The following IL1RAPL2 variants were observed in gnomAD, a reference collection of about 807,000 sequenced individuals.
The protein encoded by IL1RAPL2 is X-linked interleukin-1 receptor accessory protein-like 2.
A neutral mutation model predicts 44.1 loss-of-function variants in IL1RAPL2; 3 were observed. That is an observed-to-expected ratio of 0.07 (90% CI 0.03 to 0.18). The LOEUF is 0.18. IL1RAPL2 is among the 10% of genes least tolerant of loss of function. The pLI is 1.00. For missense variants in IL1RAPL2, 391 were observed against 496.4 expected, an observed-to-expected ratio of 0.79 and a Z score of 2.02; for synonymous variants, 181 against 178.8, an observed-to-expected ratio of 1.01 and a Z score of -0.10.
intron 4 of IL1RAPL2, among the ~76,000 whole-genome samples, chrX:105,255,703 G>A (rs745627557): frequency 3.6e-5 from 4 of 111,884 alleles, no homozygotes; most frequent in Non-Finnish European, 5.6e-5. Flanking sequence ...GAATAGGAGT[G>A]GTGACAGAGA....
At chrX:105,251,295 A>G (rs1180175408) in intron 4 of IL1RAPL2, among the ~76,000 whole-genome samples, 2 of 106,368 alleles carry the variant, frequency 1.9e-5, no homozygotes, top group Non-Finnish European at 3.9e-5. Flanking sequence ...TTGCTTGCTA[A>G]AAAAAAAAAA....
At chrX:105,163,995 G>A (rs945750894) in intron 2 of IL1RAPL2, among the ~76,000 whole-genome samples, 1 of 110,659 alleles carries the variant, frequency 9.0e-6, no homozygotes, top group Admixed American at 9.7e-5. Flanking sequence ...AGCAGCTGAC[G>A]AATTAGACAT....
chrX:104,668,159 G>T (rs1455235567), intron 2 of IL1RAPL2, among the ~76,000 whole-genome samples: 1 of 111,124 alleles, frequency 9.0e-6, no homozygotes, highest in East Asian at 2.8e-4. Context: ...GAAACAAGTA[G>T]CTAGACAGAT....
At chrX:105,661,746 A>G (rs2037722208) in intron 6 of IL1RAPL2, among the ~76,000 whole-genome samples, 1 of 112,398 alleles carries the variant, frequency 8.9e-6, no homozygotes, top group African/African-American at 3.2e-5. Context: ...CTTTCAAAAG[A>G]GAAAGAGCTT....
In IL1RAPL2 at chrX:104,764,844, T is replaced by C. The variant is rs1217000401; in HGVS notation, c.82+105849T>C. On this transcript the variant is annotated intron_variant, in intron 2 of 10. Transcript: ENST00000372582. Reference sequence around the variant, plus strand: ...GTTTTTATCCTTCATTCTGTCGATATGTTGTATCACATTCATTCATTTGCA... The same window carrying C: ...GTTTTTATCCTTCATTCTGTCGATACGTTGTATCACATTCATTCATTTGCA... 2.7e-5 allele frequency among the ~76,000 whole-genome samples: 3 copies of C among 112,464 alleles called. No homozygotes were observed. In the Admixed American group the frequency reaches 2.8e-4, roughly 11 times the overall value.
At chrX:104,962,063 C>T in intron 2 of IL1RAPL2, among the ~76,000 whole-genome samples, 1 of 111,056 alleles carries the variant, frequency 9.0e-6, no homozygotes, top group African/African-American at 3.3e-5. Context: ...AGTTTCAGGC[C>T]TTCACAGGCT....
intron 5 of IL1RAPL2, among the ~76,000 whole-genome samples, chrX:105,465,231 G>C: frequency 8.9e-6 from 1 of 111,826 alleles, no homozygotes. Flanking sequence ...CTCTCATCTA[G>C]AAAGAAGACA....
intron 6 of IL1RAPL2, among the ~76,000 whole-genome samples, chrX:105,633,175 T>A (rs1602496316): frequency 8.9e-6 from 1 of 112,076 alleles, no homozygotes; most frequent in East Asian, 2.8e-4. Flanking sequence ...GGTAAACATT[T>A]CTTTACTGTT....
rs1930920192 is a variant in IL1RAPL2 at position 104,683,215 on chromosome X, A to G, written c.82+24220A>G. On this transcript the variant is annotated intron_variant, in intron 2 of 10. Coordinates refer to ENST00000372582, the MANE Select transcript of IL1RAPL2 (RefSeq NM_017416.2). ...TACCCATAGAACAGAGACCTGATCT[A>G]CTTCAGCCACATGTAAAGAATCCAT... Among the ~76,000 whole-genome samples, 4 of 111,958 alleles carry G rather than the reference A, an allele frequency of 3.6e-5. No homozygotes were observed. In the Admixed American group the frequency reaches 3.8e-4, roughly 11 times the overall value.
At chrX:104,632,966 T>C (rs1347639770) in intron 1 of IL1RAPL2, among the ~76,000 whole-genome samples, 1 of 111,685 alleles carries the variant, frequency 9.0e-6, no homozygotes, top group Non-Finnish European at 1.9e-5. Flanking sequence ...GGTATGATAT[T>C]GGCTGTGGGT....
chrX:105,570,982 A>G (rs992059272), intron 6 of IL1RAPL2, among the ~76,000 whole-genome samples: 1 of 111,775 alleles, frequency 8.9e-6, no homozygotes, highest in Non-Finnish European at 1.9e-5. Context: ...ACCACTTTAG[A>G]ACCAAAAATT....
chrX:104,724,084 C>G (rs1931739400), intron 2 of IL1RAPL2, among the ~76,000 whole-genome samples: 1 of 110,872 alleles, frequency 9.0e-6, no homozygotes, highest in African/African-American at 3.3e-5. Context: ...AGTCAAAATC[C>G]TAAGAATTGA....
intron 2 of IL1RAPL2, among the ~76,000 whole-genome samples, chrX:104,673,670 T>A (rs1350003671): frequency 2.5e-4 from 28 of 111,094 alleles, no homozygotes; most frequent in Non-Finnish European, 1.7e-4. Flanking sequence ...TGGTATTGAA[T>A]CTGTAAATTA....
intron 2 of IL1RAPL2, among the ~76,000 whole-genome samples, chrX:105,182,702 G>T (rs2033545111): frequency 9.0e-6 from 1 of 111,617 alleles, no homozygotes; most frequent in Admixed American, 9.5e-5. Context: ...ATGTGTCTTG[G>T]TCTTTTGTTT....
chrX:104,902,799 T>G, intron 2 of IL1RAPL2, among the ~76,000 whole-genome samples: 1 of 111,818 alleles, frequency 8.9e-6, no homozygotes, highest in African/African-American at 3.2e-5. Context: ...ATTTTAAATC[T>G]GCAATGCTTT....
At chrX:105,716,095 A>G (rs1432293090) in intron 6 of IL1RAPL2, among the ~76,000 whole-genome samples, 1 of 111,881 alleles carries the variant, frequency 8.9e-6, no homozygotes, top group African/African-American at 3.2e-5. Context: ...AAATACAGCA[A>G]TGAAATTATA....
At chrX:105,070,118 T>A (rs377131402) in intron 2 of IL1RAPL2, among the ~76,000 whole-genome samples, 2 of 112,096 alleles carry the variant, frequency 1.8e-5, no homozygotes, top group East Asian at 2.8e-4. Flanking sequence ...CTCCTTATTA[T>A]CTGGGCAAAA....
intron 2 of IL1RAPL2, among the ~76,000 whole-genome samples, chrX:105,145,946 AGCCCTCATGAATGAGGCAAGT>A (rs1421702361): frequency 1.8e-5 from 2 of 110,932 alleles, no homozygotes; most frequent in African/African-American, 6.6e-5. Context: ...AAAAGGGTGG[AGCCCTCATGAATGAGGCAAGT>A]GCCCTCATAA....
intron 5 of IL1RAPL2, among the ~76,000 whole-genome samples, chrX:105,391,443 A>G (rs2035521458): frequency 9.8e-6 from 1 of 102,351 alleles, no homozygotes; most frequent in African/African-American, 3.6e-5. Context: ...AACCACAATG[A>G]GATACCATCT....
Sources: gnomAD v4.1 joint callset for allele counts (sites outside exome capture counted in the v4.1 genomes callset) on GRCh38, gnomAD v4.1.1 for gene constraint, MANE v1.5 for transcripts, NCBI Gene and HGNC (gene_info 2026-07-23, HGNC 2026-07-21) for gene names.